DNMT3A: variants seen among roughly 807,000 people sequenced by gnomAD.
The protein encoded by DNMT3A is DNA (cytosine-5)-methyltransferase 3A.
DNMT3A carries 267 observed loss-of-function variants against 117.6 expected under a neutral mutation model. The observed-to-expected ratio is 2.27, with a 90% CI of 2.05 to 2.51. The LOEUF is 2.51. DNMT3A is among the 30% of genes most tolerant of loss of function. DNMT3A has a pLI of 0.00. For missense variants in DNMT3A, 1,029 were observed against 1,260.2 expected, an observed-to-expected ratio of 0.82 and a Z score of 2.78; for synonymous variants, 432 against 474.8, an observed-to-expected ratio of 0.91 and a Z score of 1.17.
In DNMT3A at chr2:25,339,353, C is replaced by T. The variant is rs2149455340; in HGVS notation, c.-178+2473G>A. ...CTCCAGGAAGGACTCAGAGGGCAGC[C>T]CTGTGGACCAGTCCACTCCTTGAGT... On this transcript the variant is annotated intron_variant, in intron 1 of 22. Transcript: ENST00000321117. The surrounding 1 kb of genome is among the most constrained non-coding windows in gnomAD (Gnocchi z 4.9). Among the ~76,000 whole-genome samples, 1 of 152,316 alleles carries T rather than the reference C, an allele frequency of 6.6e-6. No homozygotes were observed. The highest frequency in any genetic ancestry group is 1.9e-4 in the East Asian group (1 of 5,184).
intron 3 of DNMT3A, among the ~76,000 whole-genome samples, chr2:25,297,118 G>A (rs1479259743): frequency 2.0e-5 from 3 of 152,114 alleles, no homozygotes; most frequent in East Asian, 1.9e-4. Context: ...CAGCACCTGC[G>A]ACCACAAGGG....
intron 4 of DNMT3A, among the ~76,000 whole-genome samples, chr2:25,280,779 C>T (rs909929763): frequency 1.3e-5 from 2 of 152,180 alleles, no homozygotes; most frequent in Non-Finnish European, 1.5e-5. Flanking sequence ...TAAGAAACAC[C>T]TGTTGACTGA....
chr2:25,246,906 G>T, intron 9 of DNMT3A, 130 bp from the exon 10 acceptor site: 1 of 1,498,986 alleles, frequency 6.7e-7, no homozygotes, highest in Non-Finnish European at 9.1e-7. Flanking sequence ...AGGAGGAGCG[G>T]GATGTGCATA....
Position 25,229,944 on chromosome 2 carries a change from G to C in DNMT3A, c.*4335C>G, listed in dbSNP as rs574166684. The C allele has an allele frequency of 2.0e-5, 3 of 152,120 alleles. No homozygotes were observed. The highest frequency in any genetic ancestry group is 1.9e-4 in the East Asian group (1 of 5,198). The allele number at this position is 152,120 out of a possible 1,614,324, so 9.4% of individuals were successfully genotyped here. ...CGCCATGGCCTGGTGGCCAATTATC[G>C]GGAAGCAAGGGGAGCTGGGCCCTGT... On this transcript the variant is annotated 3_prime_UTR_variant, in exon 23 of 23. Transcript: ENST00000321117.
intron 4 of DNMT3A, among the ~76,000 whole-genome samples, chr2:25,280,583 G>T (rs1206087667): frequency 6.6e-6 from 1 of 152,144 alleles, no homozygotes; most frequent in Non-Finnish European, 1.5e-5. Flanking sequence ...AGTTCCCCTG[G>T]ACATGTTTCA....
chr2:25,266,384 T>C (rs1389107217), intron 6 of DNMT3A, among the ~76,000 whole-genome samples: 1 of 152,236 alleles, frequency 6.6e-6, no homozygotes, highest in Non-Finnish European at 1.5e-5. Flanking sequence ...TGGCTAATAA[T>C]TTGTTTTGAG....
At position 25,281,857 on chromosome 2, in the gene DNMT3A, C is replaced by A; in HGVS notation, c.448+584G>T. 1 of 1,069,368 alleles carries A rather than the reference C, an allele frequency of 9.4e-7. No homozygotes were observed. The highest frequency in any genetic ancestry group is 1.1e-6 in the Non-Finnish European group (1 of 881,730). The allele number at this position is 1,069,368 out of a possible 1,614,324, so 66.2% of individuals were successfully genotyped here. Reference sequence around the variant, plus strand: ...GTACACAGAATACAATCACCCAGCCCTCTCCCCACGCCACTGTCACAACCA... The same window carrying A: ...GTACACAGAATACAATCACCCAGCCATCTCCCCACGCCACTGTCACAACCA... On this transcript the variant is annotated intron_variant, in intron 4 of 22. Transcript: ENST00000321117. The surrounding 1 kb of genome is among the most constrained non-coding windows in gnomAD (Gnocchi z 4.8).
chr2:25,308,366 AAC>A (rs987533388), intron 2 of DNMT3A, among the ~76,000 whole-genome samples: 1 of 152,178 alleles, frequency 6.6e-6, no homozygotes, highest in Non-Finnish European at 1.5e-5. Flanking sequence ...GTCCAGCTTC[AAC>A]ACAGGCCCTT....
Position 25,257,649 on chromosome 2 carries a change from C to T in DNMT3A, c.640-9397G>A, listed in dbSNP as rs932197036. Among the ~76,000 whole-genome samples, 7 of 152,146 alleles carry T rather than the reference C, an allele frequency of 4.6e-5. No homozygotes were observed. Among genetic ancestry groups the T allele is most frequent in the African/African-American group, 1.2e-4 (5 of 41,414 alleles). Reference sequence around the variant, plus strand: ...ACAGGCAGAACTTCCTTTCTTTTCACGAGGGCCTTGCTAATCACCTCGCCA... The same window carrying T: ...ACAGGCAGAACTTCCTTTCTTTTCATGAGGGCCTTGCTAATCACCTCGCCA... On this transcript the variant is annotated intron_variant, in intron 6 of 22. Coordinates refer to ENST00000321117, the MANE Select transcript of DNMT3A (RefSeq NM_022552.5). The surrounding 1 kb of genome is among the most constrained non-coding windows in gnomAD (Gnocchi z 4.8).
rs1444234226 is a variant in DNMT3A at position 25,229,057 on chromosome 2, C to G, written c.*5222G>C. 6.6e-6 allele frequency: 1 copy of G among 152,288 alleles called. No homozygotes were observed. The highest frequency in any genetic ancestry group is 2.1e-4 in the South Asian group (1 of 4,832). The allele number at this position is 152,288 out of a possible 1,614,324, so 9.4% of individuals were successfully genotyped here. Reference sequence around the variant, plus strand: ...CTCCCTGCTCCTTGCTTGTTTCTCCCTCCCCCAAAACTCTGCTGCCTCGGG... The same window carrying G: ...CTCCCTGCTCCTTGCTTGTTTCTCCGTCCCCCAAAACTCTGCTGCCTCGGG... On this transcript the variant is annotated 3_prime_UTR_variant, in exon 23 of 23. Coordinates refer to ENST00000321117, the MANE Select transcript of DNMT3A (RefSeq NM_022552.5).
chr2:25,251,443 C>T (rs1160580850), intron 6 of DNMT3A, among the ~76,000 whole-genome samples: 2 of 152,160 alleles, frequency 1.3e-5, no homozygotes, highest in Non-Finnish European at 2.9e-5. Flanking sequence ...CACGGAAGCC[C>T]CTGGGCCTGG....
At chr2:25,244,132 C>T (rs200827426) in intron 15 of DNMT3A, 23 bp downstream of exon 15, 173 of 1,613,704 alleles carry the variant, frequency 1.1e-4, no homozygotes, top group Admixed American at 6.3e-4. Flanking sequence ...AGCTCGAGAC[C>T]GCGCCCCAGG....
At chr2:25,270,401 T>A (rs1018119746) in intron 6 of DNMT3A, among the ~76,000 whole-genome samples, 2 of 152,200 alleles carry the variant, frequency 1.3e-5, no homozygotes, top group African/African-American at 4.8e-5. Context: ...ATGCCTCTGG[T>A]AGTCCCAGTA....
intron 1 of DNMT3A, among the ~76,000 whole-genome samples, chr2:25,319,058 A>T (rs1325356081): frequency 7.4e-6 from 1 of 135,184 alleles, no homozygotes; most frequent in Non-Finnish European, 1.5e-5. Flanking sequence ...TCTGTCGCCC[A>T]GGCTGGAGTA....
chr2:25,234,270 C>T lies in DNMT3A; in HGVS notation c.*9G>A. The stretch of plus-strand genomic sequence containing the variant: ...TTTGTGTCGCTACCTCAGTTTGCCC[C>T]CATGTCCCTTACACACACGCAAAAT... On this transcript the variant is annotated 3_prime_UTR_variant, in exon 23 of 23. Coordinates refer to ENST00000321117, the MANE Select transcript of DNMT3A (RefSeq NM_022552.5). The surrounding 1 kb of genome is among the most constrained non-coding windows in gnomAD (Gnocchi z 4.5). 6 of 1,606,620 alleles carry T rather than the reference C, an allele frequency of 3.7e-6. No individual in the cohort carries two copies. Among genetic ancestry groups the T allele is most frequent in the Non-Finnish European group, 4.3e-6 (5 of 1,175,398 alleles).
At position 25,244,002 on chromosome 2, in the gene DNMT3A, G is replaced by T; in HGVS notation, c.1852-20C>A. ...AGGGTCCTAAGCAGTGAGCACAACA[G>T]GTCAGATGCAGGCCCAGCGGTGTCC... On this transcript the variant is annotated intron_variant, in intron 15 of 22. Coordinates refer to ENST00000321117, the MANE Select transcript of DNMT3A (RefSeq NM_022552.5). 2 of 1,551,130 alleles carry T rather than the reference G, an allele frequency of 1.3e-6. No individual in the cohort carries two copies. The highest frequency in any genetic ancestry group is 1.7e-6 in the Non-Finnish European group (2 of 1,146,964).
intron 6 of DNMT3A, among the ~76,000 whole-genome samples, chr2:25,272,803 C>CTTTTTTT (rs1217338234): frequency 1.5e-5 from 2 of 130,698 alleles, no homozygotes; most frequent in African/African-American, 2.8e-5. Flanking sequence ...TGCACTTTCT[C>CTTTTTTT]TTTTTTTTTT....
Position 25,252,104 on chromosome 2 carries a change from T to C in DNMT3A, c.640-3852A>G, listed in dbSNP as rs1170644337. On this transcript the variant is annotated intron_variant, in intron 6 of 22. Coordinates refer to ENST00000321117, the MANE Select transcript of DNMT3A (RefSeq NM_022552.5). The surrounding 1 kb of genome is among the most constrained non-coding windows in gnomAD (Gnocchi z 5.5). The stretch of plus-strand genomic sequence containing the variant: ...CGGGCCGGGGAGGCATACTTCACTC[T>C]TTTCAAACCCGGAGGGCTGCGGAGA... 1.3e-6 allele frequency: 2 copies of C among 1,505,370 alleles called. No homozygotes were observed. Among genetic ancestry groups the C allele is most frequent in the Non-Finnish European group, 1.8e-6 (2 of 1,117,608 alleles). The allele number at this position is 1,505,370 out of a possible 1,614,324, so 93.3% of individuals were successfully genotyped here.
intron 1 of DNMT3A, among the ~76,000 whole-genome samples, chr2:25,341,387 G>A (rs2035441906): frequency 2.1e-5 from 3 of 145,426 alleles, no homozygotes; most frequent in African/African-American, 4.9e-5. Context: ...GGCTCCAGGC[G>A]GGGCCGCGGG....
Sources: gnomAD v4.1 joint callset for allele counts (sites outside exome capture counted in the v4.1 genomes callset) on GRCh38, gnomAD v4.1.1 for gene constraint, Gnocchi (gnomAD v3.1) non-coding constraint, MANE v1.5 for transcripts, NCBI Gene and HGNC (gene_info 2026-07-23, HGNC 2026-07-21) for gene names.